Variants in MET observed in about 807,000 individuals in gnomAD.
The protein encoded by MET is hepatocyte growth factor receptor.
MET carries 48 observed loss-of-function variants against 133.1 expected under a neutral mutation model. The ratio of observed to expected loss-of-function variants is 0.36; its 90% confidence interval spans 0.29 to 0.46. The LOEUF is 0.46. Among genes scored for constraint, MET ranks in the 20% least tolerant of loss-of-function variants. MET has a pLI of 1.00. For synonymous variants in MET, 628 were observed against 616.5 expected, an observed-to-expected ratio of 1.02 and a Z score of -0.28; for missense variants, 1,442 against 1,695.9, an observed-to-expected ratio of 0.85 and a Z score of 2.63.
At chr7:116,777,843 A>T (rs913727331) in intron 16 of MET, among the ~76,000 whole-genome samples, 1 of 152,316 alleles carries the variant, frequency 6.6e-6, no homozygotes, top group East Asian at 1.9e-4. Context: ...TACTATAATT[A>T]TTTTTTAACC....
In MET at chr7:116,743,881, T is replaced by C. The variant is rs554542833; in HGVS notation, c.1701+2856T>C. ...GCTGTTCTACAGCCTCTGCTAGTGA[T>C]ACCCTGGCAAACAGGGTCTGGAGTG... On this transcript the variant is annotated intron_variant, in intron 5 of 20. Coordinates refer to ENST00000397752, the MANE Select transcript of MET (RefSeq NM_000245.4). Among the ~76,000 whole-genome samples the C allele has an allele frequency of 2.6e-5, 4 of 152,302 alleles. No homozygotes were observed. The East Asian group carries it at 7.7e-4, about 29-fold the overall frequency.
chr7:116,792,129 T>C (rs1420979872), intron 19 of MET, among the ~76,000 whole-genome samples: 1 of 152,164 alleles, frequency 6.6e-6, no homozygotes, highest in African/African-American at 2.4e-5. Context: ...TGTATCTCCA[T>C]GCATCTACTC....
chr7:116,785,630 G>T (rs1795289087), intron 19 of MET, among the ~76,000 whole-genome samples: 1 of 152,166 alleles, frequency 6.6e-6, no homozygotes, highest in Admixed American at 6.5e-5. Flanking sequence ...TTTGAATGGG[G>T]ACACAAATCC....
chr7:116,716,505 G>GAAAGAAAGA (rs1792236729), intron 2 of MET, among the ~76,000 whole-genome samples: 4 of 149,704 alleles, frequency 2.7e-5, no homozygotes, highest in African/African-American at 9.9e-5. Context: ...AAGAAAGAAA[G>GAAAGAAAGA]AAAGAAAGAA....
intron 2 of MET, among the ~76,000 whole-genome samples, chr7:116,729,827 A>G (rs185881048): frequency 5.3e-4 from 80 of 152,322 alleles, no homozygotes; most frequent in African/African-American, 1.4e-3. Flanking sequence ...ATAGTTTTAT[A>G]TCTCCATACT....
At chr7:116,766,486 T>A (rs1794633117) in intron 11 of MET, among the ~76,000 whole-genome samples, 1 of 152,206 alleles carries the variant, frequency 6.6e-6, no homozygotes, top group Non-Finnish European at 1.5e-5. Flanking sequence ...ACCATCCTAA[T>A]CCACCTGCTG....
At chr7:116,732,480 T>C (rs1793050268) in intron 3 of MET, among the ~76,000 whole-genome samples, 2 of 152,232 alleles carry the variant, frequency 1.3e-5, no homozygotes, top group African/African-American at 4.8e-5. Context: ...GTTTCCTAGA[T>C]ACAAGAACCA....
At chr7:116,770,171 C>T (rs892377399) in intron 12 of MET, among the ~76,000 whole-genome samples, 2 of 152,110 alleles carry the variant, frequency 1.3e-5, no homozygotes, top group African/African-American at 4.8e-5. Context: ...GCATAGAGTC[C>T]CATAAATAAA....
intron 8 of MET, 185 bp downstream of exon 8, chr7:116,757,959 C>T (rs1219072645): frequency 1.5e-6 from 1 of 665,952 alleles, no homozygotes; most frequent in African/African-American, 1.8e-5. Context: ...ATTTTTCTTC[C>T]TTTCTCTTGT....
At chr7:116,720,879 T>A (rs1465396774) in intron 2 of MET, among the ~76,000 whole-genome samples, 1 of 139,906 alleles carries the variant, frequency 7.1e-6, no homozygotes, top group African/African-American at 2.7e-5. Flanking sequence ...GCTGCTGGAT[T>A]CGTTTTGCCA....
At chr7:116,750,163 G>A (rs751909561) in intron 5 of MET, among the ~76,000 whole-genome samples, 14 of 151,820 alleles carry the variant, frequency 9.2e-5, no homozygotes, top group South Asian at 2.1e-4. Flanking sequence ...GTGGCATCAC[G>A]CTACCTGACT....
chr7:116,678,052 C>T (rs1282257537), intron 1 of MET, among the ~76,000 whole-genome samples: 1 of 152,106 alleles, frequency 6.6e-6, no homozygotes, highest in African/African-American at 2.4e-5. Context: ...ATTACCCTGC[C>T]ATTGAAATTC....
chr7:116,724,752 C>G (rs993958690), intron 2 of MET: 1 of 1,146,972 alleles, frequency 8.7e-7, no homozygotes, highest in African/African-American at 1.6e-5. Flanking sequence ...AATCAATTCG[C>G]TCAACCTCTC....
chr7:116,691,755 T>A (rs1316758352), intron 1 of MET, among the ~76,000 whole-genome samples: 8 of 152,166 alleles, frequency 5.3e-5, no homozygotes, highest in Non-Finnish European at 7.3e-5. Context: ...GCTGTCAGAA[T>A]GAAAGAGGCC....
intron 11 of MET, among the ~76,000 whole-genome samples, chr7:116,765,321 T>A (rs959506329): frequency 4.1e-5 from 6 of 146,388 alleles, no homozygotes; most frequent in Non-Finnish European, 9.0e-5. Flanking sequence ...ACGTACTTCA[T>A]CAATGAAAGT....
chr7:116,744,937 G>A, intron 5 of MET, among the ~76,000 whole-genome samples: 1 of 152,124 alleles, frequency 6.6e-6, no homozygotes, highest in Non-Finnish European at 1.5e-5. Context: ...AGGACAAACA[G>A]GCAGGAGAAA....
chr7:116,757,938 T>A (rs1466109590), intron 8 of MET, 164 bp downstream of exon 8: 1 of 746,624 alleles, frequency 1.3e-6, no homozygotes, highest in Non-Finnish European at 2.2e-6. Context: ...ATTCATCTAC[T>A]CCTTTTGCTG....
intron 10 of MET, among the ~76,000 whole-genome samples, chr7:116,760,631 TCTTGAAGA>T (rs1281277752): frequency 1.3e-5 from 2 of 152,194 alleles, no homozygotes; most frequent in Non-Finnish European, 2.9e-5. Context: ...ATCCAATATT[TCTTGAAGA>T]CTAAAGCCAC....
chr7:116,715,755 G>T (rs1207632648), intron 2 of MET, among the ~76,000 whole-genome samples: 4 of 152,204 alleles, frequency 2.6e-5, no homozygotes, highest in Non-Finnish European at 4.4e-5. Flanking sequence ...TCCTAAAGCT[G>T]CACAGCCAGG....
Sources: gnomAD v4.1 joint callset for allele counts (sites outside exome capture counted in the v4.1 genomes callset) on GRCh38, gnomAD v4.1.1 for gene constraint, MANE v1.5 for transcripts, NCBI Gene and HGNC (gene_info 2026-07-23, HGNC 2026-07-21) for gene names.